Variants in ASCC3 observed in about 807,000 individuals in gnomAD.
ASCC3 encodes the protein activating signal cointegrator 1 complex subunit 3, also known as ASC-1 complex subunit P200.
In ASCC3, 158 loss-of-function variants were observed where a neutral mutation model predicts 256.3. The observed-to-expected ratio is 0.62, with a 90% CI of 0.54 to 0.70. The LOEUF (loss-of-function observed/expected upper bound fraction) is 0.70, where lower values mean the gene tolerates loss of function less well. ASCC3 is among the 30% of genes least tolerant of loss of function. ASCC3 has a pLI of 0.00. For synonymous variants in ASCC3, 948 were observed against 883.4 expected (o/e 1.07, Z -1.30); for missense variants, 2,259 against 2,626.0 (o/e 0.86, Z 3.05).
At chr6:100,658,969 A>G (rs764210600) in intron 16 of ASCC3, among the ~76,000 whole-genome samples, 14 of 151,530 alleles carry the variant, frequency 9.2e-5, no homozygotes, top group Non-Finnish European at 1.8e-4. Flanking sequence ...GTGTAAAGTT[A>G]AGTGACTTTA....
At chr6:100,852,779 T>C (rs1772747087) in intron 3 of ASCC3, among the ~76,000 whole-genome samples, 1 of 152,174 alleles carries the variant, frequency 6.6e-6, no homozygotes, top group Non-Finnish European at 1.5e-5. Flanking sequence ...GTATCTAACT[T>C]TGTATCCATA....
At chr6:100,696,599 C>T (rs1012280053) in intron 13 of ASCC3, among the ~76,000 whole-genome samples, 2 of 151,872 alleles carry the variant, frequency 1.3e-5, no homozygotes, top group African/African-American at 4.8e-5. Flanking sequence ...AAATAAACTT[C>T]TAATAATACA....
At chr6:100,666,750 A>G (rs1776495100) in intron 14 of ASCC3, among the ~76,000 whole-genome samples, 1 of 152,142 alleles carries the variant, frequency 6.6e-6, no homozygotes. Context: ...TCATGAGACT[A>G]TTTAGTGCTA....
At chr6:100,696,924 T>C (rs1778112823) in intron 13 of ASCC3, among the ~76,000 whole-genome samples, 2 of 152,126 alleles carry the variant, frequency 1.3e-5, no homozygotes, top group East Asian at 1.9e-4. Flanking sequence ...ATATGCACAC[T>C]GTAATATGAT....
intron 4 of ASCC3, among the ~76,000 whole-genome samples, chr6:100,827,621 CT>C (rs1267046285): frequency 6.6e-6 from 1 of 152,134 alleles, no homozygotes; most frequent in Middle Eastern, 3.4e-3. Context: ...GCAATTAAGT[CT>C]TTTTTTATTT....
chr6:100,748,128 A>G (rs1780772093), intron 10 of ASCC3, among the ~76,000 whole-genome samples: 1 of 152,078 alleles, frequency 6.6e-6, no homozygotes, highest in African/African-American at 2.4e-5. Context: ...GTCAAAGAGA[A>G]GTCAACTTAC....
chr6:100,619,166 A>T (rs1773820311), intron 30 of ASCC3, among the ~76,000 whole-genome samples: 1 of 152,170 alleles, frequency 6.6e-6, no homozygotes, highest in Non-Finnish European at 1.5e-5. Flanking sequence ...AGGTGTGTGG[A>T]TGTCTTTTGA....
intron 20 of ASCC3, among the ~76,000 whole-genome samples, chr6:100,649,984 A>G (rs1775574635): frequency 6.6e-6 from 1 of 151,736 alleles, no homozygotes; most frequent in Admixed American, 6.6e-5. Context: ...GCTGTAGTTT[A>G]GGGAATAATT....
chr6:100,629,249 C>T lies in ASCC3; in HGVS notation c.4209-68G>A, dbSNP rs774381154. On this transcript the variant is annotated intron_variant, in intron 26 of 41. Coordinates refer to ENST00000369162, the MANE Select transcript of ASCC3 (RefSeq NM_006828.4). Reference sequence around the variant, plus strand: ...ACAAATGACCTTGGAAATGCAAAAACCTATCTCTTTTAAAATAAAATTTTA... The same window carrying T: ...ACAAATGACCTTGGAAATGCAAAAATCTATCTCTTTTAAAATAAAATTTTA... The T allele has an allele frequency of 2.8e-6, 4 of 1,429,566 alleles. No homozygotes were observed. The African/African-American group carries it at 4.3e-5, about 15-fold the overall frequency. 88.6% of individuals were successfully genotyped at this position (1,429,566 alleles called of 1,614,324 possible).
At chr6:100,769,959 C>T (rs993901081) in intron 8 of ASCC3, among the ~76,000 whole-genome samples, 3 of 151,340 alleles carry the variant, frequency 2.0e-5, no homozygotes, top group Admixed American at 6.6e-5. Context: ...ATTATTTCCA[C>T]AAAAAAACCT....
chr6:100,646,307 T>TATG, intron 22 of ASCC3, among the ~76,000 whole-genome samples: 1 of 151,982 alleles, frequency 6.6e-6, no homozygotes. Context: ...AATTTTTTAC[T>TATG]ATTATTATTA....
At chr6:100,872,685 G>C (rs1161691479) in intron 1 of ASCC3, among the ~76,000 whole-genome samples, 1 of 152,170 alleles carries the variant, frequency 6.6e-6, no homozygotes, top group Non-Finnish European at 1.5e-5. Flanking sequence ...CCATGACTGA[G>C]AGACCCACAG....
intron 8 of ASCC3, among the ~76,000 whole-genome samples, chr6:100,785,146 G>C (rs1769001837): frequency 2.0e-5 from 3 of 152,088 alleles, no homozygotes; most frequent in South Asian, 4.1e-4. Flanking sequence ...CAGATGATCT[G>C]AGTAGAGGAA....
At chr6:100,754,245 T>C (rs1010358921) in intron 10 of ASCC3, among the ~76,000 whole-genome samples, 5 of 152,182 alleles carry the variant, frequency 3.3e-5, no homozygotes, top group Non-Finnish European at 7.4e-5. Context: ...TTAAAACAAA[T>C]GTACTTTAAC....
Position 100,848,593 on chromosome 6 carries a change from A to C in ASCC3, c.356T>G (p.Phe119Cys). 4 of 1,614,156 alleles carry C rather than the reference A, an allele frequency of 2.5e-6. No individual in the cohort carries two copies. Among genetic ancestry groups the C allele is most frequent in the Non-Finnish European group, 3.4e-6 (4 of 1,180,018 alleles). ...HKETKAIKQM[F>C]GPFPSSSATA... Reference sequence around the variant, plus strand: ...GGCAGATGATGAAGGAAAGGGGCCAAACATCTGTTTGATAGCCTTTGTTTC... The same window carrying C: ...GGCAGATGATGAAGGAAAGGGGCCACACATCTGTTTGATAGCCTTTGTTTC... The change falls in exon 4 of 42, where the codon TTT (phenylalanine) becomes TGT (cysteine). Residue 119 changes from phenylalanine (F) to cysteine (C), a missense_variant. Coordinates refer to ENST00000369162, the MANE Select transcript of ASCC3 (RefSeq NM_006828.4).
intron 1 of ASCC3, among the ~76,000 whole-genome samples, chr6:100,875,421 T>C (rs1257920579): frequency 6.6e-6 from 1 of 152,222 alleles, no homozygotes; most frequent in Non-Finnish European, 1.5e-5. Flanking sequence ...CTATCAGAGG[T>C]CTGGGCTGGA....
chr6:100,855,595 C>CA (rs1390007788), intron 3 of ASCC3, among the ~76,000 whole-genome samples: 1 of 152,182 alleles, frequency 6.6e-6, no homozygotes, highest in African/African-American at 2.4e-5. Flanking sequence ...ATTCAAAACA[C>CA]AATATAATGC....
intron 16 of ASCC3, among the ~76,000 whole-genome samples, chr6:100,658,073 T>C (rs151322390): frequency 4.1e-4 from 62 of 151,610 alleles, no homozygotes; most frequent in African/African-American, 1.2e-3. Context: ...GTATGCTCCC[T>C]GGCCTCAAGA....
At chr6:100,880,745 A>G (rs1406789398) in intron 1 of ASCC3, among the ~76,000 whole-genome samples, 1 of 152,234 alleles carries the variant, frequency 6.6e-6, no homozygotes, top group African/African-American at 2.4e-5. Context: ...AGAAAAAAAG[A>G]AAACAAATTA....
Sources: allele counts gnomAD v4.1 joint callset (sites outside exome capture counted in the v4.1 genomes callset), GRCh38; gene constraint gnomAD v4.1.1; transcripts MANE v1.5; gene names NCBI Gene and HGNC (gene_info 2026-07-23, HGNC 2026-07-21).